MAP4K5: variants seen among roughly 807,000 people sequenced by gnomAD.
MAP4K5 encodes the protein MAPK/ERK kinase kinase kinase 5.
MAP4K5 carries 82 observed loss-of-function variants against 135.6 expected under a neutral mutation model. That is an observed-to-expected ratio of 0.60 (90% CI 0.51 to 0.73). The LOEUF is 0.73. Among genes scored for constraint, MAP4K5 ranks in the 30% least tolerant of loss-of-function variants. MAP4K5 has a pLI of 0.00. For synonymous variants in MAP4K5, 347 were observed against 335.0 expected, an observed-to-expected ratio of 1.04 and a Z score of -0.39; for missense variants, 907 against 1,010.9, an observed-to-expected ratio of 0.90 and a Z score of 1.39.
intron 2 of MAP4K5, among the ~76,000 whole-genome samples, chr14:50,541,595 G>C (rs1201792389): frequency 6.6e-6 from 1 of 152,136 alleles, no homozygotes; most frequent in Non-Finnish European, 1.5e-5. Context: ...TACAGAGAAG[G>C]CTATGATGCA....
At chr14:50,420,174 A>G (rs1256305858) in intron 32 of MAP4K5, 68 bp from the exon 33 acceptor site, 4 of 825,808 alleles carry the variant, frequency 4.8e-6, no homozygotes, top group East Asian at 5.1e-5. Context: ...ACTAACATCA[A>G]ACTAGGAAAG....
chr14:50,509,823 T>G (rs2037894251), intron 2 of MAP4K5, among the ~76,000 whole-genome samples: 1 of 152,170 alleles, frequency 6.6e-6, no homozygotes, highest in Non-Finnish European at 1.5e-5. Context: ...AATTGTTTTT[T>G]CATTTAAAAT....
intron 5 of MAP4K5, among the ~76,000 whole-genome samples, chr14:50,483,441 C>A (rs564862961): frequency 6.6e-6 from 1 of 151,936 alleles, no homozygotes; most frequent in African/African-American, 2.4e-5. Context: ...ATTTCTACCG[C>A]GTATTTTAAT....
chr14:50,467,038 A>G (rs1403969057), intron 10 of MAP4K5, among the ~76,000 whole-genome samples: 1 of 152,154 alleles, frequency 6.6e-6, no homozygotes, highest in Non-Finnish European at 1.5e-5. Flanking sequence ...ACTGGCCTCC[A>G]TATTTATTTT....
rs1332699535 is a variant in MAP4K5 at position 50,419,234 on chromosome 14, C to T, written c.*785G>A. 1 of 152,164 alleles carries T rather than the reference C, an allele frequency of 6.6e-6. No homozygotes were observed. Among genetic ancestry groups the T allele is most frequent in the South Asian group, 2.1e-4 (1 of 4,830 alleles). The allele number at this position is 152,164 out of a possible 1,614,324, so 9.4% of individuals were successfully genotyped here. ...CAAGAATACATACACATGGTAGACA[C>T]AGCTAGACATACACACCCCTTCTAA... On this transcript the variant is annotated 3_prime_UTR_variant, in exon 33 of 33. Coordinates refer to ENST00000682126, the MANE Select transcript of MAP4K5 (RefSeq NM_006575.6).
At chr14:50,522,294 C>T (rs377019158) in intron 2 of MAP4K5, among the ~76,000 whole-genome samples, 3 of 152,050 alleles carry the variant, frequency 2.0e-5, no homozygotes, top group South Asian at 4.2e-4. Flanking sequence ...GCACTAGTGA[C>T]GGCACTGTTT....
rs201728107 is a variant in MAP4K5, at chr14:50,425,485, C to G, written c.2397+422G>C. 2.0e-5 allele frequency among the ~76,000 whole-genome samples: 3 copies of G among 152,120 alleles called. No homozygotes were observed. The East Asian group carries it at 5.8e-4, about 29-fold the overall frequency. ...AATAGTGTCTTGAACATAGTTGGTACTCAATAGTTACTAAATGAGTCAATT... is the reference window on the plus strand; with the variant it reads ...AATAGTGTCTTGAACATAGTTGGTAGTCAATAGTTACTAAATGAGTCAATT... On this transcript the variant is annotated intron_variant, in intron 31 of 32. Coordinates refer to ENST00000682126, the MANE Select transcript of MAP4K5 (RefSeq NM_006575.6).
Position 50,468,714 on chromosome 14 carries a change from A to G in MAP4K5, c.611T>C (p.Val204Ala), listed in dbSNP as rs200746676. The G allele has an allele frequency of 1.2e-3, 1,884 of 1,613,172 alleles. 1 individual carries two copies. Among genetic ancestry groups the G allele is most frequent in the Admixed American group, 2.2e-3 (131 of 59,904 alleles). Reference sequence around the variant, plus strand: ...TCCAAGTTCAATTGCTGTTATTCCTACTGCCCAGATATCACAGAGTTGGTT... The same window carrying G: ...TCCAAGTTCAATTGCTGTTATTCCTGCTGCCCAGATATCACAGAGTTGGTT... ...GYNQLCDIWAVGITAIELGEL... is the reference protein window; with the variant it reads ...GYNQLCDIWAAGITAIELGEL... Residue 204 changes from valine to alanine, a missense_variant, in exon 10 of 33, where the codon GTA becomes GCA. Transcript: ENST00000682126.
At position 50,445,207 on chromosome 14, in the gene MAP4K5, A is replaced by G. The variant is rs374670426; in HGVS notation, c.1186-13T>C. 17 of 1,610,856 alleles carry G rather than the reference A, an allele frequency of 1.1e-5. No homozygotes were observed. Among genetic ancestry groups the G allele is most frequent in the Non-Finnish European group, 1.3e-5 (15 of 1,178,430 alleles). On this transcript the variant is annotated splice_polypyrimidine_tract_variant and intron_variant, in intron 17 of 32. Coordinates refer to ENST00000682126, the MANE Select transcript of MAP4K5 (RefSeq NM_006575.6). ...TGCTTATCCTTGGCTAGTGGTACAA[A>G]GACAAAAAAGTACTTTAACAGTTAT... is the stretch of plus-strand genomic sequence containing the variant.
rs554245545 is a variant in MAP4K5 at position 50,508,613 on chromosome 14, G to A, written c.109-3756C>T. Among the ~76,000 whole-genome samples the A allele has an allele frequency of 2.6e-5, 4 of 152,060 alleles. No individual in the cohort carries two copies. In the South Asian group the frequency reaches 6.2e-4, roughly 24 times the overall value. On this transcript the variant is annotated intron_variant, in intron 2 of 32. Transcript: ENST00000682126. ...GATAGCATTAGGAGATACACCTAAC[G>A]TAAATGAAGAGTTAATGGGTGCAGT...
At chr14:50,549,681 G>A (rs916660168) in intron 1 of MAP4K5, among the ~76,000 whole-genome samples, 11 of 152,220 alleles carry the variant, frequency 7.2e-5, no homozygotes, top group Non-Finnish European at 1.2e-4. Flanking sequence ...CATGGGCCAC[G>A]ATATCCAACA....
At chr14:50,529,725 G>A (rs2038345825) in intron 2 of MAP4K5, among the ~76,000 whole-genome samples, 1 of 152,156 alleles carries the variant, frequency 6.6e-6, no homozygotes, top group African/African-American at 2.4e-5. Context: ...TGAAAAAAAG[G>A]AGGAAGGGAG....
chr14:50,540,783 ATAGG>A (rs1191572615), intron 2 of MAP4K5, among the ~76,000 whole-genome samples: 1 of 152,204 alleles, frequency 6.6e-6, no homozygotes, highest in African/African-American at 2.4e-5. Flanking sequence ...AGCTATTATG[ATAGG>A]TAGGAACAAG....
intron 2 of MAP4K5, among the ~76,000 whole-genome samples, chr14:50,509,507 A>G (rs866873203): frequency 1.3e-5 from 2 of 152,194 alleles, no homozygotes; most frequent in Non-Finnish European, 1.5e-5. Context: ...ATAATTTTCA[A>G]TGTAACAGAA....
intron 27 of MAP4K5, 61 bp from the exon 28 acceptor site, chr14:50,434,632 G>A (rs2036049385): frequency 4.2e-6 from 6 of 1,422,994 alleles, no homozygotes; most frequent in Non-Finnish European, 5.7e-6. Flanking sequence ...TCATACCACT[G>A]TTGAATAAAG....
At chr14:50,497,066 T>A (rs1265018003) in intron 3 of MAP4K5, among the ~76,000 whole-genome samples, 2 of 152,236 alleles carry the variant, frequency 1.3e-5, no homozygotes, top group Admixed American at 1.3e-4. Flanking sequence ...TAGTTCATTA[T>A]ACAGTGAATA....
intron 6 of MAP4K5, among the ~76,000 whole-genome samples, chr14:50,479,158 TTTTTCTC>T (rs1043744041): frequency 1.3e-5 from 2 of 149,910 alleles, no homozygotes; most frequent in Non-Finnish European, 3.0e-5. Context: ...TCGTTTCCCT[TTTTTCTC>T]TTTGTCTCTT....
intron 31 of MAP4K5, among the ~76,000 whole-genome samples, chr14:50,423,666 G>C (rs1462776198): frequency 6.6e-6 from 1 of 152,116 alleles, no homozygotes; most frequent in Non-Finnish European, 1.5e-5. Flanking sequence ...CTGCTCAGAA[G>C]GCTGAAGTAG....
intron 1 of MAP4K5, among the ~76,000 whole-genome samples, chr14:50,546,942 C>T (rs1388409206): frequency 6.6e-6 from 1 of 151,996 alleles, no homozygotes; most frequent in East Asian, 1.9e-4. Context: ...CACCCATATA[C>T]CCGTCATCTA....
Sources: allele counts gnomAD v4.1 joint callset (sites outside exome capture counted in the v4.1 genomes callset), GRCh38; gene constraint gnomAD v4.1.1; transcripts MANE v1.5; gene names NCBI Gene and HGNC (gene_info 2026-07-23, HGNC 2026-07-21).